Variants in QSER1 observed in about 807,000 individuals in gnomAD.
QSER1 encodes glutamine and serine-rich protein 1.
QSER1 carries 49 observed loss-of-function variants against 158.5 expected under a neutral mutation model. The ratio of observed to expected loss-of-function variants is 0.31; its 90% CI spans 0.25 to 0.39. The LOEUF (loss-of-function observed/expected upper bound fraction) is 0.39. QSER1 is among the 10% of genes least tolerant of loss of function. The pLI is 1.00. For missense variants in QSER1, 1,754 were observed against 2,010.3 expected, an observed-to-expected ratio of 0.87 and a Z score of 2.44; for synonymous variants, 650 against 715.5, an observed-to-expected ratio of 0.91 and a Z score of 1.46.
rs79717233 is a variant in QSER1, at chr11:32,946,288, G to A, written c.4178-7569G>A. 8.2e-3 allele frequency among the ~76,000 whole-genome samples: 1,243 copies of A among 152,316 alleles called. 13 individuals carry two copies. Among genetic ancestry groups the A allele is most frequent in the Non-Finnish European group, 0.012 (807 of 68,028 alleles). ...TGTTCCCTTACTGGTGAGGAGCAGCGTTCCTTTGGAGGAGGAGAGACGCTC... is the reference window on the plus strand; with the variant it reads ...TGTTCCCTTACTGGTGAGGAGCAGCATTCCTTTGGAGGAGGAGAGACGCTC... On this transcript the variant is annotated intron_variant, in intron 4 of 12. Transcript: ENST00000650167.
intron 1 of QSER1, among the ~76,000 whole-genome samples, chr11:32,902,882 CA>C (rs1554923517): frequency 2.0e-5 from 3 of 152,136 alleles, no homozygotes; most frequent in Non-Finnish European, 4.4e-5. Context: ...GAAACTCAAG[CA>C]AAGAGAGATT....
At position 32,965,944 on chromosome 11, in the gene QSER1, A is replaced by AACACACACACACACACACACACACAC. The variant is rs5790910; in HGVS notation, c.4970-339_4970-314dup. Among the ~76,000 whole-genome samples the AACACACACACACACACACACACACAC allele has an allele frequency of 1.9e-4, 23 of 123,616 alleles. 1 individual carries two copies. The highest frequency in any genetic ancestry group is 3.3e-4 in the Non-Finnish European group (20 of 60,226). 81.1% of individuals were successfully genotyped at this position (123,616 alleles called of 152,430 possible). On this transcript the variant is annotated intron_variant, in intron 8 of 12. Transcript: ENST00000650167. ...CAACAAGAGTGAAACTCTGTCTCAA[A>AACACACACACACACACACACACACAC]ACACACACACACACACACACACACA...
At chr11:32,968,326 T>C (rs1852786348) in intron 9 of QSER1, among the ~76,000 whole-genome samples, 1 of 152,152 alleles carries the variant, frequency 6.6e-6, no homozygotes, top group Admixed American at 6.5e-5. Context: ...TAAAATATAA[T>C]AAAGTACTAT....
At chr11:32,962,944 C>A (rs1456821747) in intron 8 of QSER1, among the ~76,000 whole-genome samples, 1 of 152,094 alleles carries the variant, frequency 6.6e-6, no homozygotes, top group Non-Finnish European at 1.5e-5. Context: ...AAATAAAAAT[C>A]TTGTTTTCTT....
intron 8 of QSER1, among the ~76,000 whole-genome samples, chr11:32,964,160 A>C (rs1423036407): frequency 6.6e-6 from 1 of 151,976 alleles, no homozygotes; most frequent in African/African-American, 2.4e-5. Flanking sequence ...TTTTTTGTAG[A>C]GACAGGATCT....
chr11:32,934,675 T>A lies in QSER1; in HGVS notation c.3417T>A (p.Ser1139Arg). ...ACAGAAACCAAGAGTTTGTTTCTAG[T>A]AGTAGAAGTATAAGTGGAGAGAATG... ...NNNRNQEFVS[S>R]SRSISGENAT... Residue 1139 changes from serine (S) to arginine (R), a missense_variant, in exon 4 of 13, where the codon AGT becomes AGA. Ser to Arg is a moderately radical substitution (Grantham distance 110). This residue lies in a region of QSER1 where 1,707 missense variants were observed against 1,919.6 expected (regional missense o/e 0.89). Transcript: ENST00000650167. 7.4e-6 allele frequency: 12 copies of A among 1,613,842 alleles called. No individual in the cohort carries two copies. The highest frequency in any genetic ancestry group is 1.0e-5 in the Non-Finnish European group (12 of 1,179,908).
At chr11:32,949,731 C>CA (rs1852391447) in intron 4 of QSER1, among the ~76,000 whole-genome samples, 1 of 152,172 alleles carries the variant, frequency 6.6e-6, no homozygotes, top group Non-Finnish European at 1.5e-5. Flanking sequence ...GGGCTCCTAA[C>CA]GTGATTAGAA....
intron 7 of QSER1, 118 bp downstream of exon 7, chr11:32,956,239 A>C (rs1852509883): frequency 1.2e-6 from 1 of 825,492 alleles, no homozygotes. Context: ...CAAGTCAAAA[A>C]ATTTCAGTGC....
chr11:32,960,201 G>C (rs771368610), intron 8 of QSER1, among the ~76,000 whole-genome samples: 1 of 152,114 alleles, frequency 6.6e-6, no homozygotes, highest in Admixed American at 6.6e-5. Flanking sequence ...AACATAGCGA[G>C]ACCCCATAGC....
At chr11:32,925,521 T>C (rs946591029) in intron 1 of QSER1, among the ~76,000 whole-genome samples, 4 of 150,908 alleles carry the variant, frequency 2.7e-5, no homozygotes, top group African/African-American at 9.7e-5. Context: ...TTTATTTATT[T>C]ATTTATTTAT....
intron 10 of QSER1, among the ~76,000 whole-genome samples, chr11:32,969,783 CA>C (rs1436093164): frequency 6.6e-6 from 1 of 150,546 alleles, no homozygotes; most frequent in Non-Finnish European, 1.5e-5. Context: ...CTCCTGAGTT[CA>C]AGCAGTTCTT....
chr11:32,938,242 G>A (rs551528932), intron 4 of QSER1, among the ~76,000 whole-genome samples: 1 of 152,214 alleles, frequency 6.6e-6, no homozygotes, highest in East Asian at 1.9e-4. Context: ...AGGACTCAGG[G>A]ACATAAAGAA....
At chr11:32,938,647 G>A (rs1703084018) in intron 4 of QSER1, among the ~76,000 whole-genome samples, 1 of 152,124 alleles carries the variant, frequency 6.6e-6, no homozygotes, top group Non-Finnish European at 1.5e-5. Context: ...TAGCCATTCT[G>A]AGCATATGAA....
chr11:32,947,737 A>C (rs1852359652), intron 4 of QSER1, among the ~76,000 whole-genome samples: 1 of 152,188 alleles, frequency 6.6e-6, no homozygotes, highest in South Asian at 2.1e-4. Flanking sequence ...AAGGTGTGTT[A>C]AAGTTTTCCA....
intron 3 of QSER1, among the ~76,000 whole-genome samples, chr11:32,929,716 A>G (rs1325198370): frequency 6.6e-6 from 1 of 152,202 alleles, no homozygotes; most frequent in Non-Finnish European, 1.5e-5. Context: ...ATCTTTTGGC[A>G]TGTTTGAGAT....
At chr11:32,894,720 G>C (rs2133480915) in intron 1 of QSER1, among the ~76,000 whole-genome samples, 1 of 152,308 alleles carries the variant, frequency 6.6e-6, no homozygotes, top group South Asian at 2.1e-4. Context: ...TTGTTTTCAA[G>C]ACTTGGGAGT....
chr11:32,963,392 A>G (rs1319513203), intron 8 of QSER1, among the ~76,000 whole-genome samples: 3 of 151,840 alleles, frequency 2.0e-5, no homozygotes, highest in African/African-American at 4.8e-5. Context: ...GTCTCGCACT[A>G]TCGTCCAGGC....
intron 1 of QSER1, among the ~76,000 whole-genome samples, chr11:32,909,395 G>T (rs970822086): frequency 1.3e-5 from 2 of 151,444 alleles, no homozygotes; most frequent in African/African-American, 4.8e-5. Context: ...AAAAGATGAC[G>T]TGAGATTATT....
intron 1 of QSER1, among the ~76,000 whole-genome samples, chr11:32,923,652 TG>T (rs1458227302): frequency 1.4e-5 from 2 of 141,076 alleles, no homozygotes; most frequent in African/African-American, 2.7e-5. Context: ...CACTCCAGCC[TG>T]GGCAACAGAG....
Sources: allele counts gnomAD v4.1 joint callset (sites outside exome capture counted in the v4.1 genomes callset), GRCh38; gene constraint gnomAD v4.1.1; regional missense constraint gnomAD v4.1.1; transcripts MANE v1.5; gene names NCBI Gene and HGNC (gene_info 2026-07-23, HGNC 2026-07-21).